The following SEMA5A variants were observed in gnomAD, a reference collection of about 807,000 sequenced individuals.
The protein encoded by SEMA5A is semaphorin-5A.
A neutral mutation model predicts 135.5 loss-of-function variants in SEMA5A; 55 were observed. The ratio of observed to expected loss-of-function variants is 0.41; its 90% CI spans 0.33 to 0.51. The LOEUF (loss-of-function observed/expected upper bound fraction) is 0.51. Ranked by LOEUF, SEMA5A falls within the 20% of genes least tolerant of loss-of-function variation. SEMA5A has a pLI of 0.37. For missense variants in SEMA5A, 1,290 were observed against 1,419.9 expected, an observed-to-expected ratio of 0.91 and a Z score of 1.47; for synonymous variants, 580 against 546.5, an observed-to-expected ratio of 1.06 and a Z score of -0.85.
chr5:9,318,161 A>T lies in SEMA5A; in HGVS notation c.270+211T>A, dbSNP rs1261162086. ...TCACATCCACGGAACAAACAGGGCC[A>T]CCTGACAGGAGGAAAAGGCTAATCA... On this transcript the variant is annotated intron_variant, in intron 5 of 22. Coordinates refer to ENST00000382496, the MANE Select transcript of SEMA5A (RefSeq NM_003966.3). Among the ~76,000 whole-genome samples the T allele has an allele frequency of 5.9e-5, 9 of 152,316 alleles. No individual in the cohort carries two copies. The South Asian group carries it at 8.3e-4, about 14-fold the overall frequency.
intron 11 of SEMA5A, among the ~76,000 whole-genome samples, chr5:9,161,732 C>A (rs1030975334): frequency 3.9e-5 from 6 of 152,212 alleles, no homozygotes; most frequent in African/African-American, 7.2e-5. Context: ...AAGTCCAAAC[C>A]CACAACATCA....
chr5:9,486,405 A>C (rs1734727965), intron 1 of SEMA5A, among the ~76,000 whole-genome samples: 1 of 152,260 alleles, frequency 6.6e-6, no homozygotes, highest in Admixed American at 6.5e-5. Flanking sequence ...ACGAACCTGC[A>C]CGTTCTGCAC....
chr5:9,081,768 A>T (rs1386305665), intron 16 of SEMA5A, among the ~76,000 whole-genome samples: 1 of 152,150 alleles, frequency 6.6e-6, no homozygotes, highest in Non-Finnish European at 1.5e-5. Flanking sequence ...ATGTGTTGAC[A>T]ATTTGTACTT....
At chr5:9,136,673 G>A (rs551435972) in intron 12 of SEMA5A, 52 bp from the exon 13 acceptor site, 2 of 1,463,424 alleles carry the variant, frequency 1.4e-6, no homozygotes, top group East Asian at 2.3e-5. Flanking sequence ...CCCATGATAA[G>A]ATACACAAGA....
At chr5:9,428,693 G>A (rs997297577) in intron 2 of SEMA5A, among the ~76,000 whole-genome samples, 1 of 152,102 alleles carries the variant, frequency 6.6e-6, no homozygotes, top group Non-Finnish European at 1.5e-5. Context: ...GCCCCAGCTG[G>A]ACAATATGGG....
At chr5:9,483,958 A>G (rs1021555400) in intron 1 of SEMA5A, among the ~76,000 whole-genome samples, 48 of 152,314 alleles carry the variant, frequency 3.2e-4, no homozygotes, top group African/African-American at 1.1e-3. Flanking sequence ...GTATCAACAG[A>G]CAGGAAGTAA....
intron 13 of SEMA5A, among the ~76,000 whole-genome samples, chr5:9,131,443 C>T (rs927568170): frequency 4.0e-5 from 6 of 151,504 alleles, no homozygotes; most frequent in Non-Finnish European, 8.8e-5. Flanking sequence ...CCCGTCTCTA[C>T]TAAAAACACA....
intron 4 of SEMA5A, among the ~76,000 whole-genome samples, chr5:9,321,500 T>C (rs1385816401): frequency 6.6e-6 from 1 of 152,232 alleles, no homozygotes; most frequent in African/African-American, 2.4e-5. Context: ...GTTCTGCCTC[T>C]ATACAATCTC....
chr5:9,132,977 C>T (rs1446313188), intron 13 of SEMA5A, among the ~76,000 whole-genome samples: 1 of 152,208 alleles, frequency 6.6e-6, no homozygotes, highest in Non-Finnish European at 1.5e-5. Flanking sequence ...AAACTTCCCT[C>T]TGCTTTTTTT....
chr5:9,322,606 C>T (rs992240517), intron 4 of SEMA5A, among the ~76,000 whole-genome samples: 1 of 152,086 alleles, frequency 6.6e-6, no homozygotes, highest in Admixed American at 6.6e-5. Context: ...TCTAAGAAAT[C>T]AAGAACTAAG....
At chr5:9,480,887 G>A (rs966538546) in intron 1 of SEMA5A, among the ~76,000 whole-genome samples, 2 of 152,166 alleles carry the variant, frequency 1.3e-5, no homozygotes, top group Admixed American at 6.5e-5. Context: ...ATTACTGTTA[G>A]TGATAAACAA....
intron 8 of SEMA5A, among the ~76,000 whole-genome samples, chr5:9,214,099 A>G (rs877190): frequency 0.029 from 4,474 of 152,326 alleles, 236 homozygotes; most frequent in African/African-American, 0.1. Context: ...AAAATCAAGC[A>G]AAGTGAGGAC....
In SEMA5A at chr5:9,202,156, T is replaced by C; in HGVS notation, c.731A>G (p.Lys244Arg). 1 of 1,614,180 alleles carries C rather than the reference T, an allele frequency of 6.2e-7. No homozygotes were observed. The highest frequency in any genetic ancestry group is 8.5e-7 in the Non-Finnish European group (1 of 1,180,012). ...CCGGGCAGCTCTGGAGAACACTGTT[T>C]TCCCACAGTCATGCTCTACTGCATT... ...RENAVEHDCG[K>R]TVFSRAARVC... Residue 244 changes from lysine (K) to arginine (R), a missense_variant, in exon 9 of 23, where the codon AAA becomes AGA. By Grantham distance (26) the Lys-to-Arg change is conservative (BLOSUM62 2). Coordinates refer to ENST00000382496, the MANE Select transcript of SEMA5A (RefSeq NM_003966.3).
At chr5:9,286,274 T>A (rs1750791014) in intron 5 of SEMA5A, among the ~76,000 whole-genome samples, 1 of 152,196 alleles carries the variant, frequency 6.6e-6, no homozygotes, top group Admixed American at 6.5e-5. Flanking sequence ...GTATTATATA[T>A]AGTTGGGTTA....
chr5:9,134,659 G>T (rs1741631503), intron 13 of SEMA5A, among the ~76,000 whole-genome samples: 1 of 151,996 alleles, frequency 6.6e-6, no homozygotes, highest in Non-Finnish European at 1.5e-5. Flanking sequence ...GTATCTCTCA[G>T]ATATATACTA....
chr5:9,508,902 A>T (rs1736055383), intron 1 of SEMA5A, among the ~76,000 whole-genome samples: 1 of 152,194 alleles, frequency 6.6e-6, no homozygotes, highest in South Asian at 2.1e-4. Flanking sequence ...ATGAAGAAAA[A>T]GTGGATCTAC....
intron 3 of SEMA5A, among the ~76,000 whole-genome samples, chr5:9,339,828 A>G (rs1241341507): frequency 6.6e-6 from 1 of 152,224 alleles, no homozygotes; most frequent in East Asian, 1.9e-4. Context: ...TGAGCCCTTG[A>G]TAGAAAGAAT....
At chr5:9,469,547 C>T (rs1262329785) in intron 1 of SEMA5A, among the ~76,000 whole-genome samples, 2 of 152,138 alleles carry the variant, frequency 1.3e-5, no homozygotes, top group East Asian at 3.9e-4. Context: ...AAAAATGAGG[C>T]TCAAAAAGAT....
At chr5:9,073,048 T>A (rs1417027941) in intron 16 of SEMA5A, among the ~76,000 whole-genome samples, 1 of 152,160 alleles carries the variant, frequency 6.6e-6, no homozygotes, top group Non-Finnish European at 1.5e-5. Context: ...ATACAAAATA[T>A]TTGCAGATAA....
Sources: gnomAD v4.1 joint callset for allele counts (sites outside exome capture counted in the v4.1 genomes callset) on GRCh38, gnomAD v4.1.1 for gene constraint, MANE v1.5 for transcripts, NCBI Gene and HGNC (gene_info 2026-07-23, HGNC 2026-07-21) for gene names.